HYAL1: variants seen among roughly 807,000 people sequenced by gnomAD.
HYAL1 encodes the protein hyaluronidase-1.
A neutral mutation model predicts 28.8 loss-of-function variants in HYAL1; 21 were observed. The ratio of observed to expected loss-of-function variants is 0.73; its 90% CI spans 0.52 to 1.05. The LOEUF (loss-of-function observed/expected upper bound fraction) is 1.05. HYAL1 is among the 50% of genes least tolerant of loss of function. HYAL1 has a pLI of 0.00. For synonymous variants in HYAL1, 200 were observed against 230.1 expected (o/e 0.87, Z 1.18); for missense variants, 491 against 579.2 (o/e 0.85, Z 1.56).
chr3:50,304,322 T>A (rs1358701372), upstream of HYAL1, among the ~76,000 whole-genome samples: 69 of 90,522 alleles, frequency 7.6e-4, 1 homozygote, highest in South Asian at 3.9e-3. Flanking sequence ...TATATATATA[T>A]ATATATATAT....
rs587687583 is a variant in HYAL1 at position 50,301,059 on chromosome 3, G to C, written c.919C>G (p.Leu307Val). 2 of 1,607,842 alleles carry C rather than the reference G, an allele frequency of 1.2e-6. No homozygotes were observed. The highest frequency in any genetic ancestry group is 1.7e-6 in the Non-Finnish European group (2 of 1,176,798). ...FLPLDELEHS[L>V]GESAAQGAAG... ...GCCCCCTGGGCCGCACTCTCCCCCA[G>C]GCTGTGCTCCAGCTCATCCTGGGAA... is the stretch of plus-strand genomic sequence containing the variant. Residue 307 changes from leucine (L) to valine (V), a missense_variant, in exon 3 of 4, where the codon CTG becomes GTG. By Grantham distance (32) the Leu-to-Val change is conservative. Coordinates refer to ENST00000395144, the MANE Select transcript of HYAL1 (RefSeq NM_033159.4).
intron 1 of HYAL1, among the ~76,000 whole-genome samples, chr3:50,311,251 CGGCCG>C: frequency 7.6e-4 from 1 of 1,324 alleles, no homozygotes; most frequent in Admixed American, 6.0e-3. Context: ...AACTCCCTCC[CGGCCG>C]GGGCGGGGGG....
upstream of HYAL1, among the ~76,000 whole-genome samples, chr3:50,306,274 GT>G (rs1172219565): frequency 8.2e-6 from 1 of 122,452 alleles, no homozygotes; most frequent in Non-Finnish European, 1.6e-5. Context: ...AGGAAAGCAA[GT>G]TTTTCTGCTT....
intron 1 of HYAL1, among the ~76,000 whole-genome samples, chr3:50,311,846 C>T (rs1222235198): frequency 6.9e-5 from 10 of 145,684 alleles, no homozygotes; most frequent in Non-Finnish European, 1.2e-4. Context: ...AGGCGGGGGG[C>T]TGACCCCCCC....
At chr3:50,311,239 C>T (rs1366178516) in intron 1 of HYAL1, among the ~76,000 whole-genome samples, 1 of 63,738 alleles carries the variant, frequency 1.6e-5, no homozygotes, top group South Asian at 6.5e-4. Flanking sequence ...GCTGACCCCC[C>T]CAACTCCCTC....
upstream of HYAL1, among the ~76,000 whole-genome samples, chr3:50,306,077 C>A (rs1702329813): frequency 6.6e-6 from 1 of 151,216 alleles, no homozygotes; most frequent in African/African-American, 2.5e-5. Context: ...TGACTAATTG[C>A]CTATCTGTGC....
chr3:50,311,338 G>A lies in HYAL1; in HGVS notation c.-310+926C>T, dbSNP rs1339537988. Among the ~76,000 whole-genome samples, 18 of 130,372 alleles carry A rather than the reference G, an allele frequency of 1.4e-4. No homozygotes were observed. The East Asian group carries it at 3.2e-3, about 23-fold the overall frequency. The allele number at this position is 130,372 out of a possible 152,430, so 85.5% of individuals were successfully genotyped here. On this transcript the variant is annotated intron_variant, in intron 1 of 5. Transcript: ENST00000320295. ...GGGCTGACCCCCCCACCTCCCTCCC[G>A]GACGGGGCGGCTGGCCGGGCAGAGG...
chr3:50,302,040 G>A lies in HYAL1; in HGVS notation c.900+17C>T. 1.2e-6 allele frequency: 2 copies of A among 1,613,936 alleles called. No homozygotes were observed. The highest frequency in any genetic ancestry group is 1.1e-5 in the South Asian group (1 of 91,078). ...ACAAGGCAGGTTGACAAGGTGGGCA[G>A]GTTACAGAAGACTCACCAGGGGCAG... On this transcript the variant is annotated intron_variant, in intron 2 of 3. Transcript: ENST00000395144. This position sits in a 1 kb window ranked among gnomAD's most constrained non-coding sequence, Gnocchi z 5.0.
rs1553713434 is a variant in HYAL1, at chr3:50,302,860, T to C, written c.97A>G (p.Thr33Ala). The C allele has an allele frequency of 6.2e-7, 1 of 1,613,602 alleles. No homozygotes were observed. The highest frequency in any genetic ancestry group is 1.1e-5 in the South Asian group (1 of 91,082). Residue 33 changes from threonine to alanine, a missense_variant, in exon 2 of 4, where the codon ACC becomes GCC. Coordinates refer to ENST00000395144, the MANE Select transcript of HYAL1 (RefSeq NM_033159.4). The surrounding 1 kb of genome is among the most constrained non-coding windows in gnomAD (Gnocchi z 5.0). ...TGGGTGTTTGCATTCCAGACGGTGG[T>C]GAAGGGCCGGTTGGGTAGCAAGGGG... ...RGPLLPNRPF[T>A]TVWNANTQWC...
chr3:50,310,704 A>T lies in HYAL1; in HGVS notation c.-309-927T>A, dbSNP rs1218574968. Among the ~76,000 whole-genome samples, 17 of 150,552 alleles carry T rather than the reference A, an allele frequency of 1.1e-4. 1 individual carries two copies. In the South Asian group the frequency reaches 3.2e-3, roughly 28 times the overall value. On this transcript the variant is annotated intron_variant, in intron 1 of 5. Coordinates refer to the HYAL1 transcript ENST00000320295. ...TGGAGGGAAGGTCAGCAGATAAACAAGTGAACAAAGGTCTCTGGTTTTCCT... is the reference window on the plus strand; with the variant it reads ...TGGAGGGAAGGTCAGCAGATAAACATGTGAACAAAGGTCTCTGGTTTTCCT...
intron 2 of HYAL1, among the ~76,000 whole-genome samples, chr3:50,309,028 C>G (rs1339964554): frequency 6.6e-6 from 1 of 151,308 alleles, no homozygotes; most frequent in Non-Finnish European, 1.5e-5. Flanking sequence ...CGTGCCTGGC[C>G]AACAGCTTTT....
At position 50,300,332 on chromosome 3, in the gene HYAL1, C is replaced by T. The variant is rs145434547; in HGVS notation, c.*151G>A. 2 of 751,302 alleles carry T rather than the reference C, an allele frequency of 2.7e-6. No individual in the cohort carries two copies. The highest frequency in any genetic ancestry group is 3.4e-5 in the African/African-American group (2 of 58,654). The allele number at this position is 751,302 out of a possible 1,614,324, so 46.5% of individuals were successfully genotyped here. A position where few individuals can be genotyped will look rare whatever the true frequency, so the allele number is the denominator to read the frequency against. On this transcript the variant is annotated 3_prime_UTR_variant, in exon 4 of 4. Coordinates refer to ENST00000395144, the MANE Select transcript of HYAL1 (RefSeq NM_033159.4). ...GCCACTATTCCAGTCTGTAAGTATG[C>T]ATGTGTGTGCAGGGAATATGCCTGT...
rs1553713387 is a variant in HYAL1 at position 50,302,768 on chromosome 3, C to T, written c.189G>A (p.Gly63=). ...VSVFDVVANP[G]QTFRGPDMTI... is the part of the protein sequence containing the mutation. The stretch of plus-strand genomic sequence containing the variant: ...TCATGTCAGGGCCGCGGAAGGTCTG[C>T]CCTGGGTTGGCTACCACATCGAAGA... The change falls in exon 2 of 4, where the codon GGG becomes GGA. Residue 63 remains glycine (G), a synonymous_variant. Coordinates refer to ENST00000395144, the MANE Select transcript of HYAL1 (RefSeq NM_033159.4). The surrounding 1 kb of genome is among the most constrained non-coding windows in gnomAD (Gnocchi z 5.0). The T allele has an allele frequency of 6.2e-7, 1 of 1,613,904 alleles. No homozygotes were observed. The highest frequency in any genetic ancestry group is 1.3e-5 in the African/African-American group (1 of 74,932).
At chr3:50,304,274 C>CAAAAA (rs1156334129), upstream of HYAL1, among the ~76,000 whole-genome samples, 27 of 2,872 alleles carry the variant, frequency 9.4e-3, 4 homozygotes, top group Middle Eastern at 0.5. Context: ...GACTCCATCT[C>CAAAAA]AAAAAAAAAA....
rs587724293 is a variant in HYAL1, at chr3:50,300,962, C to T, written c.990+26G>A. On this transcript the variant is annotated intron_variant, in intron 3 of 3. Coordinates refer to ENST00000395144, the MANE Select transcript of HYAL1 (RefSeq NM_033159.4). Reference sequence around the variant, plus strand: ...AATGGCCCCACCCCTCCCCCACCCCCACCCTCATGCCAGGCCTAAGCTCAC... The same window carrying T: ...AATGGCCCCACCCCTCCCCCACCCCTACCCTCATGCCAGGCCTAAGCTCAC... 183 of 571,672 alleles carry T rather than the reference C, an allele frequency of 3.2e-4. 1 individual carries two copies. Among genetic ancestry groups the T allele is most frequent in the South Asian group, 1.1e-3 (75 of 69,264 alleles). The allele number at this position is 571,672 out of a possible 1,614,324, so 35.4% of individuals were successfully genotyped here.
chr3:50,303,200 C>T, intron 1 of HYAL1: 1 of 471,592 alleles, frequency 2.1e-6, no homozygotes, highest in Non-Finnish European at 3.8e-6. Flanking sequence ...CCTCTGCCAT[C>T]TCCCACAGGA....
rs782513063 is a variant in HYAL1, at chr3:50,302,246, G to A, written c.711C>T (p.Gly237=). Reference sequence around the variant, plus strand: ...TGCTGGGATAGAGGGCACGGCTCTGGCCCCACAGCCACCCTAGCTGGTCAT... The same window carrying A: ...TGCTGGGATAGAGGGCACGGCTCTGACCCCACAGCCACCCTAGCTGGTCAT... ...AQNDQLGWLW[G]QSRALYPSIY... is the part of the protein sequence containing the mutation. Residue 237 remains glycine (G), a synonymous_variant, in exon 2 of 4, where the codon GGC becomes GGT. Coordinates refer to ENST00000395144, the MANE Select transcript of HYAL1 (RefSeq NM_033159.4). This position sits in a 1 kb window ranked among gnomAD's most constrained non-coding sequence, Gnocchi z 5.0. 9 of 1,613,900 alleles carry A rather than the reference G, an allele frequency of 5.6e-6. No homozygotes were observed. The highest frequency in any genetic ancestry group is 7.6e-6 in the Non-Finnish European group (9 of 1,180,044).
In HYAL1 at chr3:50,302,700, G is replaced by T; in HGVS notation, c.257C>A (p.Thr86Lys). 6.2e-7 allele frequency: 1 copy of T among 1,614,120 alleles called. No individual in the cohort carries two copies. Among genetic ancestry groups the T allele is most frequent in the Non-Finnish European group, 8.5e-7 (1 of 1,180,040 alleles). The change falls in exon 2 of 4, where the codon ACG becomes AAG. Residue 86 changes from threonine to lysine, a missense_variant. Coordinates refer to ENST00000395144, the MANE Select transcript of HYAL1 (RefSeq NM_033159.4). The surrounding 1 kb of genome is among the most constrained non-coding windows in gnomAD (Gnocchi z 5.0). ...SSQLGTYPYY[T>K]PTGEPVFGGL... is the part of the protein sequence containing the mutation. The stretch of plus-strand genomic sequence containing the variant: ...ACCAAACACAGGCTCCCCAGTGGGC[G>T]TGTAGTAGGGGTAGGTGCCCAGCTG...
chr3:50,311,959 A>C (rs2109318100), intron 1 of HYAL1, among the ~76,000 whole-genome samples: 1 of 134,606 alleles, frequency 7.4e-6, no homozygotes, highest in African/African-American at 2.8e-5. Flanking sequence ...ACTTCCCAGT[A>C]GGGGCGGCCG....
Sources: allele counts gnomAD v4.1 joint callset (sites outside exome capture counted in the v4.1 genomes callset), GRCh38; gene constraint gnomAD v4.1.1; non-coding constraint Gnocchi (gnomAD v3.1); transcripts MANE v1.5; gene names NCBI Gene and HGNC (gene_info 2026-07-23, HGNC 2026-07-21).